The following SOCS6 variants were observed in gnomAD, a reference collection of about 807,000 sequenced individuals.
The protein encoded by SOCS6 is suppressor of cytokine signaling 6.
Under a neutral mutation model 27.7 loss-of-function variants are expected in SOCS6, and 5 were observed. The observed-to-expected ratio is 0.18, with a 90% confidence interval of 0.09 to 0.38. The LOEUF is 0.38. SOCS6 is among the 10% of genes least tolerant of loss of function. The pLI, the probability that SOCS6 is intolerant of heterozygous loss-of-function variation, is 1.00. For synonymous variants in SOCS6, 271 were observed against 260.0 expected (o/e 1.04, Z -0.41); for missense variants, 595 against 688.1 (o/e 0.86, Z 1.51).
At chr18:70,302,781 A>T (rs902144206) in intron 1 of SOCS6, among the ~76,000 whole-genome samples, 1 of 149,048 alleles carries the variant, frequency 6.7e-6, no homozygotes, top group East Asian at 2.0e-4. Flanking sequence ...TAAAAAAAAA[A>T]TTTAAGTCAG....
chr18:70,305,671 T>G (rs1399253517), intron 1 of SOCS6, among the ~76,000 whole-genome samples: 2 of 152,270 alleles, frequency 1.3e-5, no homozygotes, highest in Admixed American at 1.3e-4. Context: ...TTAATAATAT[T>G]GAATCTTCCA....
rs541462764 is a variant in SOCS6 at position 70,314,044 on chromosome 18, ATAGGATC to A, written c.-126-10495_-126-10489del. 24 of 152,312 alleles carry A rather than the reference ATAGGATC, an allele frequency of 1.6e-4. No homozygotes were observed. In the South Asian group the frequency reaches 5.0e-3, roughly 32 times the overall value. 9.4% of individuals were successfully genotyped at this position (152,312 alleles called of 1,614,324 possible). A position where few individuals can be genotyped will look rare whatever the true frequency, so the allele number is the denominator to read the frequency against. ...TTCACCTTTTTTGAAGCTGTTATAAATAGGATCTAGTCTTTTATTATGTTTTCTTATC... is the reference window on the plus strand; with the variant it reads ...TTCACCTTTTTTGAAGCTGTTATAAATAGTCTTTTATTATGTTTTCTTATC... On this transcript the variant is annotated intron_variant, in intron 1 of 1. Coordinates refer to ENST00000397942, the MANE Select transcript of SOCS6 (RefSeq NM_004232.4).
chr18:70,312,897 C>T (rs948952966), intron 1 of SOCS6, among the ~76,000 whole-genome samples: 12 of 151,784 alleles, frequency 7.9e-5, no homozygotes, highest in Non-Finnish European at 1.5e-4. Context: ...CCTCAGCCCT[C>T]CTGAGTAGCT....
intron 1 of SOCS6, among the ~76,000 whole-genome samples, chr18:70,290,413 A>G (rs1446112311): frequency 6.6e-6 from 1 of 152,250 alleles, no homozygotes; most frequent in East Asian, 1.9e-4. Context: ...AATGCTGTGG[A>G]CAGCCTTACT....
intron 1 of SOCS6, among the ~76,000 whole-genome samples, chr18:70,316,998 A>G (rs1344126044): frequency 6.6e-6 from 1 of 152,174 alleles, no homozygotes; most frequent in Non-Finnish European, 1.5e-5. Context: ...CAATCTTTAT[A>G]CAAAGGCCCA....
rs983518173 is a variant in SOCS6, at chr18:70,329,065, C to T, written c.*2789C>T. ...TTGTTTTCTATTAAATATTTCATCA[C>T]GAAATATGATGGAGGCCAGAAGCTA... On this transcript the variant is annotated 3_prime_UTR_variant, in exon 2 of 2. Transcript: ENST00000397942. 7.2e-5 allele frequency: 12 copies of T among 166,908 alleles called. No individual in the cohort carries two copies. The highest frequency in any genetic ancestry group is 1.8e-4 in the Non-Finnish European group (12 of 68,086). The allele number at this position is 166,908 out of a possible 1,614,324, so 10.3% of individuals were successfully genotyped here.
At position 70,326,182 on chromosome 18, in the gene SOCS6, G is replaced by A; in HGVS notation, c.1514G>A (p.Arg505His). 1 of 1,614,160 alleles carries A rather than the reference G, an allele frequency of 6.2e-7. No homozygotes were observed. Residue 505 changes from arginine to histidine, a missense_variant, in exon 2 of 2, where the codon CGT (arginine) becomes CAT (histidine). Physicochemically the swap from Arg to His is conservative, Grantham distance 29. Transcript: ENST00000397942. ...MQVRSLQYLC[R>H]FVIRQYTRID... ...GTGCGCTCGTTGCAGTACCTGTGTC[G>A]TTTTGTTATACGTCAGTATACCAGA...
chr18:70,323,827 G>A lies in SOCS6; in HGVS notation c.-126-716G>A, dbSNP rs373929043. ...AGTTCTATGGAACGCCTTTACTGTCGTGCCAGGACACAGGCTGGGACATGG... is the reference window on the plus strand; with the variant it reads ...AGTTCTATGGAACGCCTTTACTGTCATGCCAGGACACAGGCTGGGACATGG... On this transcript the variant is annotated intron_variant, in intron 1 of 1. Coordinates refer to ENST00000397942, the MANE Select transcript of SOCS6 (RefSeq NM_004232.4). Among the ~76,000 whole-genome samples the A allele has an allele frequency of 1.1e-4, 16 of 152,242 alleles. 1 individual carries two copies. In the South Asian group the frequency reaches 1.7e-3, roughly 16 times the overall value.
Position 70,324,726 on chromosome 18 carries a change from G to C in SOCS6, c.58G>C (p.Glu20Gln). The C allele has an allele frequency of 6.2e-7, 1 of 1,609,988 alleles. No individual in the cohort carries two copies. Among genetic ancestry groups the C allele is most frequent in the Non-Finnish European group, 8.5e-7 (1 of 1,177,482 alleles). The change falls in exon 2 of 2, where the codon GAA (glutamate) becomes CAA (glutamine). Residue 20 changes from glutamate (E) to glutamine (Q), a missense_variant. Around this residue, in one of 2 missense-constraint regions of SOCS6, gnomAD observed 467 missense variants for 481.1 expected, o/e 0.97. Coordinates refer to ENST00000397942, the MANE Select transcript of SOCS6 (RefSeq NM_004232.4). Reference protein sequence around the residue: ...RKSFNLNKSKEETDFMVVQQP... With the variant: ...RKSFNLNKSKQETDFMVVQQP... ...ATCTTTTAACTTGAATAAAAGTAAA[G>C]AAGAAACTGATTTCATGGTAGTACA...
intron 1 of SOCS6, chr18:70,296,591 T>C (rs541773923): frequency 6.6e-6 from 1 of 152,364 alleles, no homozygotes; most frequent in South Asian, 2.1e-4. Flanking sequence ...GTTGTAAGTG[T>C]GTTTCCTCTT....
intron 1 of SOCS6, among the ~76,000 whole-genome samples, chr18:70,318,601 A>T (rs1446634114): frequency 6.6e-6 from 1 of 152,014 alleles, no homozygotes; most frequent in African/African-American, 2.4e-5. Context: ...TTCCATATAT[A>T]ACATATTATT....
chr18:70,289,769 C>T (rs1195116076), intron 1 of SOCS6, among the ~76,000 whole-genome samples: 1 of 152,140 alleles, frequency 6.6e-6, no homozygotes, highest in Non-Finnish European at 1.5e-5. Context: ...GCTGCGCACT[C>T]ACCCGGGTGT....
chr18:70,314,609 A>G (rs1184375178), intron 1 of SOCS6, among the ~76,000 whole-genome samples: 1 of 152,008 alleles, frequency 6.6e-6, no homozygotes, highest in East Asian at 1.9e-4. Flanking sequence ...GTGTAAATCC[A>G]CTCTATGTTT....
At chr18:70,298,094 A>G (rs73470664) in intron 1 of SOCS6, among the ~76,000 whole-genome samples, 34 of 152,330 alleles carry the variant, frequency 2.2e-4, no homozygotes, top group African/African-American at 7.7e-4. Flanking sequence ...GCCTTTCACA[A>G]GTTAGATATT....
chr18:70,314,300 G>A (rs917858731), intron 1 of SOCS6: 2 of 151,608 alleles, frequency 1.3e-5, no homozygotes, highest in Non-Finnish European at 2.9e-5. Flanking sequence ...TGACTTGTAC[G>A]TATGAATTTT....
At position 70,315,879 on chromosome 18, in the gene SOCS6, GT is replaced by G. The variant is rs371068437; in HGVS notation, c.-126-8656del. ...ATGTTTTTTTGTTTTTGTTTTTGTGGTTTTTTTTGAGATGGAGTTTCGCTTT... is the reference window on the plus strand; with the variant it reads ...ATGTTTTTTTGTTTTTGTTTTTGTGGTTTTTTTGAGATGGAGTTTCGCTTT... On this transcript the variant is annotated intron_variant, in intron 1 of 1. Transcript: ENST00000397942. Among the ~76,000 whole-genome samples the G allele has an allele frequency of 8.9e-4, 135 of 151,690 alleles. 1 individual carries two copies. The highest frequency in any genetic ancestry group is 3.0e-3 in the African/African-American group (126 of 41,346).
At chr18:70,315,788 G>T (rs909790759) in intron 1 of SOCS6, among the ~76,000 whole-genome samples, 28 of 152,046 alleles carry the variant, frequency 1.8e-4, no homozygotes, top group African/African-American at 6.8e-4. Context: ...TTTTGTAAGT[G>T]TTTAAATCTT....
At chr18:70,298,436 G>A (rs971495976) in intron 1 of SOCS6, among the ~76,000 whole-genome samples, 1 of 152,006 alleles carries the variant, frequency 6.6e-6, no homozygotes. Flanking sequence ...TAGGTGAATG[G>A]TATTAAAAGA....
chr18:70,312,622 A>G (rs558118543), intron 1 of SOCS6, among the ~76,000 whole-genome samples: 2 of 152,264 alleles, frequency 1.3e-5, no homozygotes, highest in South Asian at 2.1e-4. Context: ...TTCCTTTTCA[A>G]TGAATTTTAA....
Sources: allele counts gnomAD v4.1 joint callset (sites outside exome capture counted in the v4.1 genomes callset), GRCh38; gene constraint gnomAD v4.1.1; regional missense constraint gnomAD v4.1.1; transcripts MANE v1.5; gene names NCBI Gene and HGNC (gene_info 2026-07-23, HGNC 2026-07-21).